The following ATP11A variants were observed in gnomAD, a reference collection of about 807,000 sequenced individuals.
ATP11A encodes the protein ATPase phospholipid transporting 11A, also known as phospholipid-transporting ATPase IH.
In ATP11A, 81 loss-of-function variants were observed where a neutral mutation model predicts 154.4. The observed-to-expected ratio is 0.52, with a 90% CI of 0.44 to 0.63. The LOEUF is 0.63. Among genes scored for constraint, ATP11A ranks in the 30% least tolerant of loss-of-function variants. ATP11A has a pLI of 0.00. For missense variants in ATP11A, 1,316 were observed against 1,474.3 expected (o/e 0.89, Z 1.76); for synonymous variants, 623 against 585.9 (o/e 1.06, Z -0.91).
At chr13:112,699,556 G>A (rs1023191538) in intron 1 of ATP11A, among the ~76,000 whole-genome samples, 10 of 152,238 alleles carry the variant, frequency 6.6e-5, no homozygotes, top group Non-Finnish European at 1.2e-4. Context: ...ACTCTGCACC[G>A]TATAGTGTGT....
chr13:112,778,555 TC>T (rs1198458776), intron 1 of ATP11A, among the ~76,000 whole-genome samples: 23 of 152,218 alleles, frequency 1.5e-4, no homozygotes, highest in South Asian at 8.3e-4. Flanking sequence ...ACTGTAACTG[TC>T]CCTGTGAACA....
chr13:112,825,105 A>C lies in ATP11A; in HGVS notation c.873-325A>C, dbSNP rs2078899382. 2.0e-5 allele frequency among the ~76,000 whole-genome samples: 3 copies of C among 152,062 alleles called. No homozygotes were observed. The South Asian group carries it at 6.2e-4, about 31-fold the overall frequency. On this transcript the variant is annotated intron_variant, in intron 10 of 29. Transcript: ENST00000375645. ...AATTTGTTGATGCTTAATGGTAGAA[A>C]TTGATTTCTGGATGTACTTTTCAAT...
chr13:112,820,467 C>T (rs1336230033), intron 8 of ATP11A, among the ~76,000 whole-genome samples: 1 of 152,230 alleles, frequency 6.6e-6, no homozygotes, highest in East Asian at 1.9e-4. Context: ...GGGCAGCTCA[C>T]GGTTGGCTGC....
At chr13:112,865,283 G>A (rs1442481137) in intron 25 of ATP11A, among the ~76,000 whole-genome samples, 3 of 149,928 alleles carry the variant, frequency 2.0e-5, no homozygotes, top group South Asian at 2.1e-4. Flanking sequence ...GCTTCCCAGC[G>A]GGGTCCATCA....
At chr13:112,783,664 A>G (rs917551687) in intron 1 of ATP11A, among the ~76,000 whole-genome samples, 7 of 152,140 alleles carry the variant, frequency 4.6e-5, no homozygotes, top group African/African-American at 1.7e-4. Context: ...TGCAGTTCCT[A>G]CAGAGAACTG....
intron 1 of ATP11A, among the ~76,000 whole-genome samples, chr13:112,701,384 A>G (rs9783557): frequency 0.011 from 1,668 of 152,326 alleles, 39 homozygotes; most frequent in African/African-American, 0.039. Context: ...TTAAAAGGTT[A>G]TAGAATACAG....
chr13:112,804,968 G>C lies in ATP11A; in HGVS notation c.174G>C (p.Trp58Cys), dbSNP rs2078281977. The stretch of plus-strand genomic sequence containing the variant: ...TTTCTTTTATGCAGTACACATTTTG[G>C]AACTTTATACCCAAGAATTTATTTG... ...NRIVSSKYTFWNFIPKNLFEQ... is the reference protein window; with the variant it reads ...NRIVSSKYTFCNFIPKNLFEQ... The change falls in exon 3 of 30, where the codon TGG becomes TGC. Residue 58 changes from tryptophan (W) to cysteine (C), a missense_variant. Trp to Cys is a radical substitution (Grantham distance 215). This residue lies in a region of ATP11A where 123 missense variants were observed against 113.7 expected (regional missense o/e 1.08). Transcript: ENST00000375645. 2.5e-6 allele frequency: 4 copies of C among 1,604,122 alleles called. No individual in the cohort carries two copies. The highest frequency in any genetic ancestry group is 3.4e-6 in the Non-Finnish European group (4 of 1,174,686).
chr13:112,874,923 G>A (rs546235489), intron 27 of ATP11A, among the ~76,000 whole-genome samples: 3 of 152,268 alleles, frequency 2.0e-5, no homozygotes, highest in East Asian at 1.9e-4. Context: ...GCCACAGCCC[G>A]TCAGCCTTGG....
At chr13:112,835,659 G>A (rs1197061487) in intron 15 of ATP11A, among the ~76,000 whole-genome samples, 2 of 152,246 alleles carry the variant, frequency 1.3e-5, no homozygotes, top group African/African-American at 4.8e-5. Context: ...AAGGCCCTGA[G>A]GAGGCTGAGG....
chr13:112,748,635 G>C (rs1490090582), intron 1 of ATP11A, among the ~76,000 whole-genome samples: 1 of 152,086 alleles, frequency 6.6e-6, no homozygotes, highest in Non-Finnish European at 1.5e-5. Context: ...AAAAGTGCTG[G>C]GATTACAAGC....
intron 1 of ATP11A, among the ~76,000 whole-genome samples, chr13:112,762,158 G>T (rs559403091): frequency 5.9e-5 from 9 of 152,294 alleles, no homozygotes; most frequent in African/African-American, 2.2e-4. Context: ...CCTTCACAGG[G>T]CAGCTAACTG....
intron 1 of ATP11A, among the ~76,000 whole-genome samples, chr13:112,771,223 G>A (rs528822373): frequency 2.6e-5 from 4 of 152,310 alleles, no homozygotes; most frequent in South Asian, 2.1e-4. Flanking sequence ...CGTGACCCAC[G>A]GTGGAAAGTT....
intron 25 of ATP11A, among the ~76,000 whole-genome samples, chr13:112,868,941 C>G (rs1190008080): frequency 6.6e-6 from 1 of 152,102 alleles, no homozygotes; most frequent in Non-Finnish European, 1.5e-5. Context: ...GAAAATGCTA[C>G]ACACTTTGAA....
chr13:112,881,663 G>C (rs183874487), intron 29 of ATP11A: 2 of 1,212,222 alleles, frequency 1.6e-6, no homozygotes, highest in Non-Finnish European at 2.1e-6. Flanking sequence ...GATCCCGCCC[G>C]GCCTGCCCTC....
At chr13:112,809,491 C>A (rs150678847) in intron 4 of ATP11A, among the ~76,000 whole-genome samples, 2 of 152,170 alleles carry the variant, frequency 1.3e-5, no homozygotes, top group African/African-American at 2.4e-5. Flanking sequence ...GCTCTTGCAA[C>A]CTACCTGCAG....
intron 1 of ATP11A, among the ~76,000 whole-genome samples, chr13:112,724,673 T>G (rs1174977762): frequency 6.6e-6 from 1 of 151,980 alleles, no homozygotes; most frequent in Admixed American, 6.6e-5. Flanking sequence ...TGCAGCCCTG[T>G]CCTGGGGTGA....
intron 2 of ATP11A, among the ~76,000 whole-genome samples, chr13:112,797,147 G>C (rs950012965): frequency 6.6e-6 from 1 of 151,870 alleles, no homozygotes; most frequent in Non-Finnish European, 1.5e-5. Flanking sequence ...GCCAGGTGTG[G>C]TGGCAGGTGC....
chr13:112,725,992 G>T (rs985913233), intron 1 of ATP11A, among the ~76,000 whole-genome samples: 1 of 152,272 alleles, frequency 6.6e-6, no homozygotes, highest in Non-Finnish European at 1.5e-5. Flanking sequence ...CCGCACCTCT[G>T]TGCCAAGCAA....
chr13:112,779,853 G>A (rs2007635), intron 1 of ATP11A, among the ~76,000 whole-genome samples: 45,993 of 151,802 alleles, frequency 0.3, 8,016 homozygotes, highest in Middle Eastern at 0.45. Context: ...GCAGTGAGCC[G>A]AGATTTTGCC....
Sources: allele counts gnomAD v4.1 joint callset (sites outside exome capture counted in the v4.1 genomes callset), GRCh38; gene constraint gnomAD v4.1.1; regional missense constraint gnomAD v4.1.1; transcripts MANE v1.5; gene names NCBI Gene and HGNC (gene_info 2026-07-23, HGNC 2026-07-21).